The following CFAP45 variants were observed in gnomAD, a reference collection of about 807,000 sequenced individuals.
The protein encoded by CFAP45 is cilia and flagella associated protein 45.
In CFAP45, 43 loss-of-function variants were observed where a neutral mutation model predicts 75.6. The ratio of observed to expected loss-of-function variants is 0.57; its 90% CI spans 0.45 to 0.73. The LOEUF (loss-of-function observed/expected upper bound fraction) is 0.73. CFAP45 is among the 30% of genes least tolerant of loss of function. The probability of loss-of-function intolerance (pLI) is 0.00; values close to 1 mark genes in which losing one functional copy is unlikely to be tolerated. For synonymous variants in CFAP45, 223 were observed against 244.6 expected (o/e 0.91, Z 0.82); for missense variants, 689 against 701.5 (o/e 0.98, Z 0.20).
intron 1 of CFAP45, among the ~76,000 whole-genome samples, chr1:159,896,070 T>TGTGGATA (rs1250378226): frequency 1.3e-5 from 2 of 152,246 alleles, no homozygotes; most frequent in African/African-American, 4.8e-5. Context: ...TGGTCTCCAC[T>TGTGGATA]GTGGATAATA....
At chr1:159,895,841 G>A (rs907768953) in intron 1 of CFAP45, among the ~76,000 whole-genome samples, 1 of 152,236 alleles carries the variant, frequency 6.6e-6, no homozygotes, top group Non-Finnish European at 1.5e-5. Flanking sequence ...GATGGCTTTG[G>A]ATCATGAGTT....
intron 11 of CFAP45, 57 bp downstream of exon 11, chr1:159,872,887 G>T: frequency 6.6e-7 from 1 of 1,520,870 alleles, no homozygotes; most frequent in South Asian, 1.1e-5. Context: ...CCAGCCTGTG[G>T]TGCCATCTCT....
rs1010680472 is a variant in CFAP45, at chr1:159,898,146, C to T, written c.3+1950G>A. On this transcript the variant is annotated intron_variant, in intron 1 of 11. Transcript: ENST00000368099. ...GCTTCAAACTCTTGGCCTGGTTCTA[C>T]TTCCCTTTCTGTAGACTTTGGTTAC... 9.1e-6 allele frequency: 9 copies of T among 985,302 alleles called. No individual in the cohort carries two copies. In the African/African-American group the frequency reaches 1.6e-4, roughly 17 times the overall value. The allele number at this position is 985,302 out of a possible 1,614,324, so 61.0% of individuals were successfully genotyped here. A position where few individuals can be genotyped will look rare whatever the true frequency, so the allele number is the denominator to read the frequency against.
At chr1:159,873,676 A>G (rs1429225528) in intron 10 of CFAP45, among the ~76,000 whole-genome samples, 1 of 152,186 alleles carries the variant, frequency 6.6e-6, no homozygotes, top group Non-Finnish European at 1.5e-5. Context: ...GTCTCATTAC[A>G]TTGCCCAAGC....
At chr1:159,897,604 A>C (rs1325811841) in intron 1 of CFAP45, among the ~76,000 whole-genome samples, 1 of 152,220 alleles carries the variant, frequency 6.6e-6, no homozygotes, top group Non-Finnish European at 1.5e-5. Context: ...GAAATGTAGA[A>C]GTACTCTTGT....
intron 7 of CFAP45, among the ~76,000 whole-genome samples, chr1:159,882,299 T>G (rs886238501): frequency 2.6e-5 from 4 of 152,204 alleles, no homozygotes; most frequent in African/African-American, 9.7e-5. Flanking sequence ...AGGCCTGCTA[T>G]TTGTATCCCA....
intron 1 of CFAP45, 197 bp downstream of exon 1, chr1:159,899,898 TC>T: frequency 1.7e-6 from 1 of 584,052 alleles, no homozygotes; most frequent in Non-Finnish European, 3.1e-6. Context: ...ACATTTCCAA[TC>T]GTTATCGATG....
At chr1:159,899,613 G>A (rs1557918283) in intron 1 of CFAP45, among the ~76,000 whole-genome samples, 2 of 151,842 alleles carry the variant, frequency 1.3e-5, no homozygotes, top group Admixed American at 6.6e-5. Context: ...GACTACAGGC[G>A]CCCGCCACCA....
At chr1:159,876,853 G>T in intron 9 of CFAP45, 104 bp from the exon 10 acceptor site, 3 of 1,075,528 alleles carry the variant, frequency 2.8e-6, no homozygotes, top group South Asian at 2.6e-5. Flanking sequence ...AGTCTGCTTT[G>T]AAAAGCATCA....
chr1:159,883,330 A>T (rs574747970), intron 7 of CFAP45, among the ~76,000 whole-genome samples: 2 of 151,870 alleles, frequency 1.3e-5, no homozygotes, highest in Admixed American at 6.5e-5. Flanking sequence ...ACTCTTCTAG[A>T]TCAAAACAAA....
chr1:159,881,621 G>A (rs1489686976), intron 7 of CFAP45, among the ~76,000 whole-genome samples: 1 of 152,246 alleles, frequency 6.6e-6, no homozygotes, highest in African/African-American at 2.4e-5. Flanking sequence ...GGACCAAAGT[G>A]AGAGGCATGT....
Position 159,880,699 on chromosome 1 carries a change from T to A in CFAP45, c.899A>T (p.Asp300Val), listed in dbSNP as rs1345696453. 1 of 1,613,686 alleles carries A rather than the reference T, an allele frequency of 6.2e-7. No homozygotes were observed. Among genetic ancestry groups the A allele is most frequent in the Non-Finnish European group, 8.5e-7 (1 of 1,179,830 alleles). The stretch of plus-strand genomic sequence containing the variant: ...TTTTTGTTGCTGCCTTCGTTCCATG[T>A]CCTGCCAGCAAAAGAAAGAGAGCCT... The part of the protein sequence containing the change: ...MEQLQEEDLK[D>V]MERRQQQKLK... Residue 300 changes from aspartate (D) to valine (V), a missense_variant and splice_region_variant, in exon 8 of 12, where the codon GAC becomes GTC. Transcript: ENST00000368099.
rs367617051 is a variant in CFAP45 at position 159,884,309 on chromosome 1, C to T, written c.897+127G>A. 388 of 944,282 alleles carry T rather than the reference C, an allele frequency of 4.1e-4. 2 individuals carry two copies. The Middle Eastern group carries it at 6.0e-3, about 15-fold the overall frequency. The allele number at this position is 944,282 out of a possible 1,614,324, so 58.5% of individuals were successfully genotyped here. A position where few individuals can be genotyped will look rare whatever the true frequency, so the allele number is the denominator to read the frequency against. The stretch of plus-strand genomic sequence containing the variant: ...ATTTAACATGGCAATAAAAAGTTGA[C>T]GGTGATGATGTTGTGAAATGAGCAT... On this transcript the variant is annotated intron_variant, in intron 7 of 11. Transcript: ENST00000368099.
Position 159,873,067 on chromosome 1 carries a change from T to A in CFAP45, c.1454A>T (p.Asn485Ile), listed in dbSNP as rs964290500. Reference protein sequence around the residue: ...ANELRRQVRENQQKEVQNRIA... With the variant: ...ANELRRQVREIQQKEVQNRIA... ...CCGGTTCTGCACTTCCTTCTGCTGG[T>A]TCTCGCGCACCTGGCGCCGGAGCTC... is the stretch of plus-strand genomic sequence containing the variant. Residue 485 changes from asparagine (N) to isoleucine (I), a missense_variant, in exon 11 of 12, where the codon AAC becomes ATC. By Grantham distance (149) the Asn-to-Ile change is moderately radical (BLOSUM62 -3). Transcript: ENST00000368099. The A allele has an allele frequency of 2.3e-5, 37 of 1,614,220 alleles. No individual in the cohort carries two copies. Among genetic ancestry groups the A allele is most frequent in the Non-Finnish European group, 3.1e-5 (37 of 1,180,036 alleles).
chr1:159,898,531 G>C (rs1650001606), intron 1 of CFAP45, among the ~76,000 whole-genome samples: 2 of 152,206 alleles, frequency 1.3e-5, no homozygotes, highest in South Asian at 4.1e-4. Context: ...TATATGCCCA[G>C]TCCTGTCCCA....
chr1:159,872,496 A>T lies in CFAP45; in HGVS notation c.1645T>A (p.Ser549Thr). 1 of 1,614,078 alleles carries T rather than the reference A, an allele frequency of 6.2e-7. No individual in the cohort carries two copies. The highest frequency in any genetic ancestry group is 8.5e-7 in the Non-Finnish European group (1 of 1,179,914). Residue 549 changes from serine (S) to threonine (T), a missense_variant, in exon 12 of 12, where the codon TCT becomes ACT. Coordinates refer to ENST00000368099, the MANE Select transcript of CFAP45 (RefSeq NM_012337.3). ...ERKANILPAT[S>T]VN Reference sequence around the variant, plus strand: ...CACGAAGGCTCCCCTCAGTTCACAGAGGTAGCTGGCAGGATGTTAGCTTTG... The same window carrying T: ...CACGAAGGCTCCCCTCAGTTCACAGTGGTAGCTGGCAGGATGTTAGCTTTG...
At position 159,888,409 on chromosome 1, in the gene CFAP45, G is replaced by A; in HGVS notation, c.360C>T (p.Thr120=). 1 of 1,614,076 alleles carries A rather than the reference G, an allele frequency of 6.2e-7. No individual in the cohort carries two copies. The highest frequency in any genetic ancestry group is 8.5e-7 in the Non-Finnish European group (1 of 1,179,980). ...ERIKWASHVL[T]REELEARDQA... Reference sequence around the variant, plus strand: ...GGTCCCTGGCCTCAAGTTCTTCTCTGGTCAGGACATGGGATGCCCATTTGA... The same window carrying A: ...GGTCCCTGGCCTCAAGTTCTTCTCTAGTCAGGACATGGGATGCCCATTTGA... The change falls in exon 4 of 12, where the codon ACC becomes ACT. Residue 120 remains threonine, a synonymous_variant. Transcript: ENST00000368099.
At chr1:159,876,804 C>T in intron 9 of CFAP45, 55 bp from the exon 10 acceptor site, 1 of 1,588,664 alleles carries the variant, frequency 6.3e-7, no homozygotes, top group South Asian at 1.1e-5. Flanking sequence ...AAGTACAGAC[C>T]AAGTGGCTTT....
At chr1:159,887,668 G>T (rs1379120215) in intron 5 of CFAP45, among the ~76,000 whole-genome samples, 173 bp downstream of exon 5, 1 of 152,248 alleles carries the variant, frequency 6.6e-6, no homozygotes, top group African/African-American at 2.4e-5. Context: ...CGAACAGGTG[G>T]CAGAGCCAGT....
Sources: allele counts gnomAD v4.1 joint callset (sites outside exome capture counted in the v4.1 genomes callset), GRCh38; gene constraint gnomAD v4.1.1; transcripts MANE v1.5; gene names NCBI Gene and HGNC (gene_info 2026-07-23, HGNC 2026-07-21).